The following CACNA1C variants were observed in gnomAD, a reference collection of about 807,000 sequenced individuals.
CACNA1C encodes the protein calcium voltage-gated channel subunit alpha1 C, also known as voltage-dependent L-type calcium channel subunit alpha-1C.
In CACNA1C, 30 loss-of-function variants were observed where a neutral mutation model predicts 229.0. That is an observed-to-expected ratio of 0.13 (90% CI 0.10 to 0.18). CACNA1C has a LOEUF of 0.18. Among genes scored for constraint, CACNA1C ranks in the 10% least tolerant of loss-of-function variants. The pLI, the probability that CACNA1C is intolerant of heterozygous loss-of-function variation, is 1.00. For synonymous variants in CACNA1C, 1,114 were observed against 1,132.5 expected (o/e 0.98, Z 0.33); for missense variants, 1,658 against 2,845.0 (o/e 0.58, Z 9.49).
chr12:2,648,619 C>A, intron 31 of CACNA1C, 112 bp downstream of exon 31: 3 of 851,468 alleles, frequency 3.5e-6, no homozygotes, highest in Non-Finnish European at 6.0e-6. Context: ...GCTCTCACTG[C>A]ATGTGGCCAC....
chr12:2,022,158 G>T (rs117784516), intron 1 of CACNA1C, among the ~76,000 whole-genome samples: 3,737 of 152,208 alleles, frequency 0.025, 58 homozygotes, highest in Non-Finnish European at 0.038. Context: ...TGTATTGACA[G>T]GGTCCCAGCA....
chr12:2,094,596 C>A (rs900561970), intron 1 of CACNA1C, among the ~76,000 whole-genome samples: 1 of 152,110 alleles, frequency 6.6e-6, no homozygotes, highest in African/African-American at 2.4e-5. Context: ...TGGTGAACAC[C>A]CTCAGTTTAC....
chr12:2,139,564 T>C (rs1027894774), intron 3 of CACNA1C, among the ~76,000 whole-genome samples: 6 of 150,976 alleles, frequency 4.0e-5, no homozygotes, highest in African/African-American at 1.5e-4. Context: ...GAAGGTGTGC[T>C]TCAGTGTGGA....
intron 8 of CACNA1C, among the ~76,000 whole-genome samples, chr12:2,509,643 C>T (rs1222894699): frequency 6.6e-6 from 1 of 152,182 alleles, no homozygotes; most frequent in Non-Finnish European, 1.5e-5. Context: ...CATAGCCCTC[C>T]TACGCATAGT....
chr12:2,360,574 C>T (rs910184914), intron 3 of CACNA1C, among the ~76,000 whole-genome samples: 9 of 152,202 alleles, frequency 5.9e-5, no homozygotes, highest in African/African-American at 1.9e-4. Flanking sequence ...GTCCCTCAGA[C>T]ACCACCGCTG....
chr12:2,454,777 GT>G (rs1175241739), intron 4 of CACNA1C, among the ~76,000 whole-genome samples: 3 of 152,104 alleles, frequency 2.0e-5, no homozygotes, highest in Admixed American at 2.0e-4. Context: ...TTCAGCACCC[GT>G]GCCTCTCTCG....
rs76916332 is a variant in CACNA1C, at chr12:2,358,530, C to T, written c.478-90446C>T. 2.4e-4 allele frequency among the ~76,000 whole-genome samples: 36 copies of T among 152,086 alleles called. No individual in the cohort carries two copies. The East Asian group carries it at 5.2e-3, about 22-fold the overall frequency. ...AACTATACTCTCTAAAGTCAGTGGC[C>T]GTAGTGTTAGGAATTTACGACTAAT... On this transcript the variant is annotated intron_variant, in intron 3 of 46. Coordinates refer to ENST00000399655, the MANE Select transcript of CACNA1C (RefSeq NM_000719.7).
At chr12:2,492,252 A>G (rs2099737010) in intron 6 of CACNA1C, among the ~76,000 whole-genome samples, 1 of 152,192 alleles carries the variant, frequency 6.6e-6, no homozygotes, top group Non-Finnish European at 1.5e-5. Flanking sequence ...TATAAGTCAC[A>G]TCTTCATTCA....
intron 3 of CACNA1C, among the ~76,000 whole-genome samples, chr12:2,197,403 G>A (rs16929157): frequency 0.024 from 3,577 of 152,192 alleles, 132 homozygotes; most frequent in African/African-American, 0.082. Flanking sequence ...GCCAGGCAGC[G>A]TACATTCAGA....
rs1367643136 is a variant in CACNA1C, at chr12:2,665,698, C to T, written c.4516C>T (p.Pro1506Ser). ...TAAAAGAATCTGGGCAGAGTATGAC[C>T]CTGAAGCCAAGTAAGTTCCCAGAGG... The part of the protein sequence containing the change: ...EFKRIWAEYD[P>S]EAKGRIKHLD... The change falls in exon 36 of 47, where the codon CCT becomes TCT. Residue 1506 changes from proline (P) to serine (S), a missense_variant. Around this residue, in one of 20 missense-constraint regions of CACNA1C, gnomAD observed 151 missense variants for 344.4 expected, o/e 0.44. Coordinates refer to ENST00000399655, the MANE Select transcript of CACNA1C (RefSeq NM_000719.7). The surrounding 1 kb of genome is among the most constrained non-coding windows in gnomAD (Gnocchi z 5.9). 5.6e-6 allele frequency: 9 copies of T among 1,612,398 alleles called. No homozygotes were observed. Among genetic ancestry groups the T allele is most frequent in the Non-Finnish European group, 6.8e-6 (8 of 1,179,106 alleles).
At chr12:2,178,918 T>C (rs569512061) in intron 3 of CACNA1C, among the ~76,000 whole-genome samples, 1 of 151,844 alleles carries the variant, frequency 6.6e-6, no homozygotes, top group Non-Finnish European at 1.5e-5. Flanking sequence ...AAAAATTAGC[T>C]AGTTGAGGTG....
intron 5 of CACNA1C, among the ~76,000 whole-genome samples, chr12:2,484,491 A>G (rs1239012688): frequency 1.3e-5 from 2 of 152,186 alleles, no homozygotes; most frequent in South Asian, 2.1e-4. Flanking sequence ...AGGCATTCAA[A>G]GTTCCAGCAG....
intron 3 of CACNA1C, among the ~76,000 whole-genome samples, chr12:2,442,009 T>A (rs1161784563): frequency 6.6e-6 from 1 of 152,152 alleles, no homozygotes; most frequent in South Asian, 2.1e-4. Context: ...TTACGTCCTT[T>A]TGCACATGAG....
intron 30 of CACNA1C, among the ~76,000 whole-genome samples, chr12:2,637,357 C>T (rs2153585622): frequency 6.6e-6 from 1 of 152,358 alleles, no homozygotes. Context: ...GCTGGTGTCA[C>T]TCGGAGGGCC....
At chr12:2,573,631 C>G (rs1324750126) in intron 13 of CACNA1C, among the ~76,000 whole-genome samples, 1 of 152,180 alleles carries the variant, frequency 6.6e-6, no homozygotes, top group Non-Finnish European at 1.5e-5. Flanking sequence ...GTCCAAGGGT[C>G]GGGAACAGGG....
At chr12:2,158,120 G>A (rs1007780222) in intron 3 of CACNA1C, among the ~76,000 whole-genome samples, 6 of 152,158 alleles carry the variant, frequency 3.9e-5, no homozygotes, top group Admixed American at 3.9e-4. Context: ...AAAAACAGAG[G>A]GGAGGAAATC....
At chr12:2,037,273 A>G (rs1162892584) in intron 1 of CACNA1C, among the ~76,000 whole-genome samples, 1 of 152,202 alleles carries the variant, frequency 6.6e-6, no homozygotes, top group Non-Finnish European at 1.5e-5. Flanking sequence ...AGACAGAAAT[A>G]AAGACTTCCT....
intron 3 of CACNA1C, among the ~76,000 whole-genome samples, chr12:2,330,106 T>A (rs186303355): frequency 6.6e-6 from 1 of 152,338 alleles, no homozygotes; most frequent in African/African-American, 2.4e-5. Flanking sequence ...GGTGGACATA[T>A]GCTGAGAGAA....
At chr12:2,231,279 G>C (rs1162372967) in intron 3 of CACNA1C, among the ~76,000 whole-genome samples, 1 of 152,096 alleles carries the variant, frequency 6.6e-6, no homozygotes, top group East Asian at 1.9e-4. Context: ...TAACATAATA[G>C]GTGCTCAGTA....
Sources: allele counts gnomAD v4.1 joint callset (sites outside exome capture counted in the v4.1 genomes callset), GRCh38; gene constraint gnomAD v4.1.1; regional missense constraint gnomAD v4.1.1; non-coding constraint Gnocchi (gnomAD v3.1); transcripts MANE v1.5; gene names NCBI Gene and HGNC (gene_info 2026-07-23, HGNC 2026-07-21).